The following ASPH variants were observed in gnomAD, a reference collection of about 807,000 sequenced individuals.
ASPH encodes the protein aspartate beta-hydroxylase.
A neutral mutation model predicts 118.4 loss-of-function variants in ASPH; 100 were observed. That is an observed-to-expected ratio of 0.84 (90% CI 0.72 to 1.00). The LOEUF is 1.00. Among genes scored for constraint, ASPH ranks in the 50% least tolerant of loss-of-function variants. The pLI is 0.00. For synonymous variants in ASPH, 315 were observed against 325.6 expected, an observed-to-expected ratio of 0.97 and a Z score of 0.35; for missense variants, 920 against 919.5, an observed-to-expected ratio of 1.00 and a Z score of -0.01.
chr8:61,606,489 T>C (rs1198213639), intron 14 of ASPH: 1 of 152,224 alleles, frequency 6.6e-6, no homozygotes, highest in Admixed American at 6.5e-5. Flanking sequence ...ATTTCAAGTT[T>C]AAAGTGTGCT....
intron 1 of ASPH, among the ~76,000 whole-genome samples, chr8:61,685,096 C>T (rs1359046635): frequency 1.3e-5 from 2 of 152,066 alleles, no homozygotes; most frequent in Non-Finnish European, 2.9e-5. Flanking sequence ...CATCAAAGTG[C>T]TTTCATGTGC....
At chr8:61,663,146 C>A in intron 3 of ASPH, 1 of 985,362 alleles carries the variant, frequency 1.0e-6, no homozygotes, top group Non-Finnish European at 1.2e-6. Flanking sequence ...AATCGTGTAA[C>A]TTTCATATGC....
At chr8:61,668,376 ATATGT>A (rs1022391597) in intron 3 of ASPH, 32 of 887,280 alleles carry the variant, frequency 3.6e-5, no homozygotes, top group African/African-American at 3.6e-4. Context: ...CCACTATAAA[ATATGT>A]TAAGTTAGTT....
intron 21 of ASPH, among the ~76,000 whole-genome samples, chr8:61,542,551 C>T (rs1469714102): frequency 6.6e-6 from 1 of 152,180 alleles, no homozygotes; most frequent in African/African-American, 2.4e-5. Context: ...CAAATTACAT[C>T]TTTCTATGCT....
chr8:61,506,561 T>C (rs7013189), intron 24 of ASPH, among the ~76,000 whole-genome samples: 42,564 of 151,938 alleles, frequency 0.28, 8,305 homozygotes, highest in African/African-American at 0.53. Context: ...AAAGAAGCAA[T>C]ACAGGAAGAT....
intron 3 of ASPH, chr8:61,663,581 G>A: frequency 2.0e-6 from 2 of 985,364 alleles, no homozygotes; most frequent in African/African-American, 1.7e-5. Context: ...TTAGTGCCCT[G>A]TATCTGCCAA....
Position 61,664,337 on chromosome 8 carries a change from T to C in ASPH, c.323-10677A>G, listed in dbSNP as rs1457625417. 35 of 973,448 alleles carry C rather than the reference T, an allele frequency of 3.6e-5. No homozygotes were observed. The South Asian group carries it at 7.6e-4, about 21-fold the overall frequency. 60.3% of individuals were successfully genotyped at this position (973,448 alleles called of 1,614,324 possible). A position where few individuals can be genotyped will look rare whatever the true frequency, so the allele number is the denominator to read the frequency against. On this transcript the variant is annotated intron_variant, in intron 3 of 24. Coordinates refer to ENST00000379454, the MANE Select transcript of ASPH (RefSeq NM_004318.4). ...TTCAACCAAAATAATGGAAAAAAAGTGTGATATAAAATGAAAGTACATTCT... is the reference window on the plus strand; with the variant it reads ...TTCAACCAAAATAATGGAAAAAAAGCGTGATATAAAATGAAAGTACATTCT...
At chr8:61,680,737 T>A (rs953452133) in intron 3 of ASPH, 2 of 306,340 alleles carry the variant, frequency 6.5e-6, no homozygotes, top group Non-Finnish European at 1.2e-5. Flanking sequence ...ATTATACTTA[T>A]CAAAAGATAT....
chr8:61,537,154 A>C (rs1819941568), intron 21 of ASPH, among the ~76,000 whole-genome samples: 1 of 152,222 alleles, frequency 6.6e-6, no homozygotes, highest in Non-Finnish European at 1.5e-5. Flanking sequence ...CAGGGAAGCC[A>C]GTCCGCCCTA....
chr8:61,623,479 G>T (rs1046346001), intron 13 of ASPH, among the ~76,000 whole-genome samples: 3 of 152,114 alleles, frequency 2.0e-5, no homozygotes, highest in African/African-American at 7.2e-5. Flanking sequence ...CAAATATTTT[G>T]ATGTATTCTG....
chr8:61,646,830 T>G lies in ASPH; in HGVS notation c.539A>C (p.Gln180Pro). Residue 180 changes from glutamine to proline, a missense_variant, in exon 6 of 25, where the codon CAA (glutamine) becomes CCA (proline). Gln to Pro is a moderately conservative substitution (Grantham distance 76). Coordinates refer to ENST00000379454, the MANE Select transcript of ASPH (RefSeq NM_004318.4). ...QQEDGPTGEP[Q>P]QEDDEFLMAT... ...CATAAGAAACTCATCATCCTCTTGTTGTGGTTCTCCTGTGGGTCCATCTTC... is the reference window on the plus strand; with the variant it reads ...CATAAGAAACTCATCATCCTCTTGTGGTGGTTCTCCTGTGGGTCCATCTTC... 1 of 1,614,034 alleles carries G rather than the reference T, an allele frequency of 6.2e-7. No individual in the cohort carries two copies. The highest frequency in any genetic ancestry group is 8.5e-7 in the Non-Finnish European group (1 of 1,179,918).
At chr8:61,525,097 C>T (rs187419510) in intron 22 of ASPH, among the ~76,000 whole-genome samples, 216 of 152,214 alleles carry the variant, frequency 1.4e-3, no homozygotes, top group Non-Finnish European at 2.8e-3. Context: ...ACATAGAAAC[C>T]ATTCTGAAAG....
At chr8:61,578,404 G>A in intron 15 of ASPH, 2 of 1,604,216 alleles carry the variant, frequency 1.2e-6, no homozygotes, top group East Asian at 2.2e-5. Flanking sequence ...GGCATGGGAG[G>A]CATCACCGCA....
In ASPH at chr8:61,503,270, G is replaced by C; in HGVS notation, c.*89C>G. The C allele has an allele frequency of 2.8e-6, 4 of 1,429,722 alleles. No homozygotes were observed. Among genetic ancestry groups the C allele is most frequent in the South Asian group, 1.5e-5 (1 of 68,960 alleles). 88.6% of individuals were successfully genotyped at this position (1,429,722 alleles called of 1,614,324 possible). ...CTGCAAGTCAAGGGAATTGACTCTTGGTGTTCGAAATTCTATCCTCACACC... is the reference window on the plus strand; with the variant it reads ...CTGCAAGTCAAGGGAATTGACTCTTCGTGTTCGAAATTCTATCCTCACACC... On this transcript the variant is annotated 3_prime_UTR_variant, in exon 25 of 25. Transcript: ENST00000379454.
chr8:61,581,493 G>A (rs752500346), intron 15 of ASPH, among the ~76,000 whole-genome samples: 2 of 152,218 alleles, frequency 1.3e-5, no homozygotes, highest in Non-Finnish European at 2.9e-5. Flanking sequence ...CTGCATGGTA[G>A]AATAATCCAC....
intron 1 of ASPH, among the ~76,000 whole-genome samples, chr8:61,712,114 C>A (rs1204880883): frequency 6.6e-6 from 1 of 152,150 alleles, no homozygotes; most frequent in Non-Finnish European, 1.5e-5. Flanking sequence ...ATGAACTCGG[C>A]AACTTCTCTG....
At chr8:61,628,568 C>G (rs1364158377) in intron 13 of ASPH, among the ~76,000 whole-genome samples, 2 of 152,096 alleles carry the variant, frequency 1.3e-5, no homozygotes, top group Non-Finnish European at 2.9e-5. Flanking sequence ...CTGTCATGGC[C>G]TTTGTGCTTT....
At chr8:61,560,122 C>T (rs1206778815) in intron 18 of ASPH, among the ~76,000 whole-genome samples, 2 of 152,218 alleles carry the variant, frequency 1.3e-5, no homozygotes, top group African/African-American at 4.8e-5. Flanking sequence ...GTTTCATGAA[C>T]TACTGTTTCT....
rs1301886824 is a variant in ASPH at position 61,632,744 on chromosome 8, ATT to A, written c.934+937_934+938del. The A allele has an allele frequency of 2.1e-5, 7 of 330,528 alleles. No individual in the cohort carries two copies. In the East Asian group the frequency reaches 6.3e-4, roughly 30 times the overall value. The allele number at this position is 330,528 out of a possible 1,614,324, so 20.5% of individuals were successfully genotyped here. On this transcript the variant is annotated intron_variant, in intron 13 of 24. Coordinates refer to ENST00000379454, the MANE Select transcript of ASPH (RefSeq NM_004318.4). The stretch of plus-strand genomic sequence containing the variant: ...AGGCATCCCACATATAACTAAATAT[ATT>A]CTTTGATTATTTTATCCTTTTTTAT...
Sources: gnomAD v4.1 joint callset for allele counts (sites outside exome capture counted in the v4.1 genomes callset) on GRCh38, gnomAD v4.1.1 for gene constraint, MANE v1.5 for transcripts, NCBI Gene and HGNC (gene_info 2026-07-23, HGNC 2026-07-21) for gene names.